Variants in HTT observed in about 807,000 individuals in gnomAD.
The protein encoded by HTT is huntingtin, also known as huntington disease protein.
HTT carries 104 observed loss-of-function variants against 362.3 expected under a neutral mutation model. That is an observed-to-expected ratio of 0.29 (90% confidence interval 0.24 to 0.34). The LOEUF is 0.34. HTT is among the 10% of genes least tolerant of loss of function. The pLI is 1.00. For synonymous variants in HTT, 1,577 were observed against 1,548.7 expected, an observed-to-expected ratio of 1.02 and a Z score of -0.43; for missense variants, 3,301 against 3,928.6, an observed-to-expected ratio of 0.84 and a Z score of 4.27.
At chr4:3,104,325 ACAGT>A (rs1343927618) in intron 4 of HTT, among the ~76,000 whole-genome samples, 3 of 151,772 alleles carry the variant, frequency 2.0e-5, no homozygotes, top group Admixed American at 6.5e-5. Flanking sequence ...AATAACTAAA[ACAGT>A]CAGGGCACAG....
At chr4:3,197,737 A>G (rs1719323587) in intron 40 of HTT, among the ~76,000 whole-genome samples, 1 of 152,242 alleles carries the variant, frequency 6.6e-6, no homozygotes, top group Non-Finnish European at 1.5e-5. Flanking sequence ...AGTAGACAGT[A>G]GAGCCACGAT....
rs151318405 is a variant in HTT, at chr4:3,162,818, A to G, written c.3864+2426A>G. 2.7e-3 allele frequency among the ~76,000 whole-genome samples: 410 copies of G among 152,274 alleles called. 2 individuals are homozygous for G. The highest frequency in any genetic ancestry group is 9.5e-3 in the African/African-American group (393 of 41,564). On this transcript the variant is annotated intron_variant, in intron 29 of 66. Transcript: ENST00000355072. The stretch of plus-strand genomic sequence containing the variant: ...TGAAGTTGCTAATCAGCTTAAGGAG[A>G]TTTTGAGCTGAACCAATAGGGTTTT...
Position 3,206,656 on chromosome 4 carries a change from G to A in HTT, c.5879G>A (p.Arg1960His), listed in dbSNP as rs762436871. 15 of 1,614,040 alleles carry A rather than the reference G, an allele frequency of 9.3e-6. No individual in the cohort carries two copies. The highest frequency in any genetic ancestry group is 4.0e-5 in the African/African-American group (3 of 74,932). The change falls in exon 43 of 67, where the codon CGT becomes CAT. Residue 1960 changes from arginine (R) to histidine (H), a missense_variant. By Grantham distance (29) the Arg-to-His change is conservative. Coordinates refer to ENST00000355072, the MANE Select transcript of HTT (RefSeq NM_001388492.1). This position sits in a 1 kb window ranked among gnomAD's most constrained non-coding sequence, Gnocchi z 4.6. The part of the protein sequence containing the change: ...SGLFIQAIQS[R>H]CENLSTPTML... ...CTGTTCATCCAGGCAATTCAGTCTC[G>A]TTGTGAAAACCTTTCAACTGTACGT...
chr4:3,163,960 TCTG>T (rs1717577073), intron 29 of HTT, among the ~76,000 whole-genome samples: 1 of 152,194 alleles, frequency 6.6e-6, no homozygotes, highest in African/African-American at 2.4e-5. Context: ...TTTTTTGTCT[TCTG>T]CTAGCTTTTG....
chr4:3,144,797 G>A (rs1716520524), intron 23 of HTT, among the ~76,000 whole-genome samples: 2 of 152,178 alleles, frequency 1.3e-5, no homozygotes, highest in South Asian at 2.1e-4. Context: ...GGAAAAACAG[G>A]ATTCCTGCCC....
chr4:3,208,272 C>T lies in HTT; in HGVS notation c.6153-501C>T, dbSNP rs150654134. 2.6e-3 allele frequency among the ~76,000 whole-genome samples: 400 copies of T among 152,262 alleles called. 1 individual carries two copies. The highest frequency in any genetic ancestry group is 9.2e-3 in the African/African-American group (384 of 41,540). On this transcript the variant is annotated intron_variant, in intron 45 of 66. Coordinates refer to ENST00000355072, the MANE Select transcript of HTT (RefSeq NM_001388492.1). Reference sequence around the variant, plus strand: ...GATAAACTATTATTACTTTTTGACCCTAGACTTAGTCTTCAGTCCAGATGA... The same window carrying T: ...GATAAACTATTATTACTTTTTGACCTTAGACTTAGTCTTCAGTCCAGATGA...
At chr4:3,093,900 A>AT (rs1713658398) in intron 2 of HTT, among the ~76,000 whole-genome samples, 1 of 60,912 alleles carries the variant, frequency 1.6e-5, no homozygotes, top group African/African-American at 5.9e-5. Context: ...TACCCCTTTA[A>AT]GTTGGTTTTT....
rs755483160 is a variant in HTT at position 3,204,187 on chromosome 4, G to A, written c.5718+39G>A. On this transcript the variant is annotated intron_variant, in intron 42 of 66. Transcript: ENST00000355072. ...GCCTGTAAACGGGGTTGAGGGAGGT[G>A]GGGACCAGGAGAACATCCTGTGTAG... The A allele has an allele frequency of 5.6e-6, 9 of 1,610,846 alleles. No homozygotes were observed. The South Asian group carries it at 9.9e-5, about 18-fold the overall frequency.
At chr4:3,131,824 A>G (rs759275035) in intron 16 of HTT, 49 bp downstream of exon 16, 17 of 1,557,726 alleles carry the variant, frequency 1.1e-5, no homozygotes, top group Admixed American at 5.3e-5. Context: ...TCATTATTGT[A>G]AAAACTATTT....
At chr4:3,223,346 C>T in intron 54 of HTT, 60 bp from the exon 55 acceptor site, 1 of 1,477,982 alleles carries the variant, frequency 6.8e-7, no homozygotes, top group Admixed American at 2.3e-5. Flanking sequence ...CTGGGTTCTG[C>T]AGGCAGAGGT....
rs755589211 is a variant in HTT, at chr4:3,214,056, C to T, written c.6873C>T (p.Leu2291=). The change falls in exon 50 of 67, where the codon CTC becomes CTT. Residue 2291 remains leucine, a synonymous_variant. Coordinates refer to ENST00000355072, the MANE Select transcript of HTT (RefSeq NM_001388492.1). ...CCCLALQLPG[L]WSVVSSTEFV... is the part of the protein sequence containing the mutation. Reference sequence around the variant, plus strand: ...GCCTGGCCCTGCAGCTGCCTGGCCTCTGGAGCGTGGTCTCCTCCACAGAGT... The same window carrying T: ...GCCTGGCCCTGCAGCTGCCTGGCCTTTGGAGCGTGGTCTCCTCCACAGAGT... The T allele has an allele frequency of 1.9e-6, 3 of 1,610,156 alleles. No individual in the cohort carries two copies.
chr4:3,181,433 T>A (rs79631914), intron 36 of HTT, among the ~76,000 whole-genome samples: 1 of 152,212 alleles, frequency 6.6e-6, no homozygotes. Flanking sequence ...AGCTGATTTC[T>A]GGTTTTGTTT....
chr4:3,078,829 A>G (rs1578479276), intron 1 of HTT, among the ~76,000 whole-genome samples: 1 of 151,048 alleles, frequency 6.6e-6, no homozygotes, highest in Non-Finnish European at 1.5e-5. Flanking sequence ...CCGCTTCCCG[A>G]GTTCACGCCA....
At position 3,204,066 on chromosome 4, in the gene HTT, A is replaced by T; in HGVS notation, c.5636A>T (p.Asp1879Val). 1 of 1,614,090 alleles carries T rather than the reference A, an allele frequency of 6.2e-7. No individual in the cohort carries two copies. The highest frequency in any genetic ancestry group is 8.5e-7 in the Non-Finnish European group (1 of 1,179,920). ...CCCCAGATGTCTGGAGAAGAGGAGGATTCTGACTTGGCAGCCAAACTTGGA... is the reference window on the plus strand; with the variant it reads ...CCCCAGATGTCTGGAGAAGAGGAGGTTTCTGACTTGGCAGCCAAACTTGGA... ...LSPQMSGEEE[D>V]SDLAAKLGMC... is the part of the protein sequence containing the mutation. Residue 1879 changes from aspartate (D) to valine (V), a missense_variant, in exon 42 of 67, where the codon GAT becomes GTT. Around this residue, in one of 4 missense-constraint regions of HTT, gnomAD observed 2,316 missense variants for 2,658.5 expected, o/e 0.87. Transcript: ENST00000355072.
intron 6 of HTT, among the ~76,000 whole-genome samples, chr4:3,111,479 CCCATCATTAGAT>C (rs1315329850): frequency 6.6e-6 from 1 of 152,180 alleles, no homozygotes; most frequent in Non-Finnish European, 1.5e-5. Context: ...CAGGCGTGAG[CCCATCATTAGAT>C]CTTTAAATAC....
At chr4:3,179,728 A>AG (rs1718416231) in intron 35 of HTT, among the ~76,000 whole-genome samples, 1 of 143,624 alleles carries the variant, frequency 7.0e-6, no homozygotes, top group Non-Finnish European at 1.5e-5. Context: ...CGTGTCACTG[A>AG]GGGGTCAGAG....
intron 28 of HTT, among the ~76,000 whole-genome samples, chr4:3,157,696 A>T (rs1717217852): frequency 6.6e-6 from 1 of 152,186 alleles, no homozygotes; most frequent in African/African-American, 2.4e-5. Context: ...CAGCGTAAGA[A>T]ACTGTTCACC....
chr4:3,190,610 G>C (rs1027814129), intron 40 of HTT, among the ~76,000 whole-genome samples: 5 of 151,850 alleles, frequency 3.3e-5, no homozygotes, highest in Admixed American at 2.0e-4. Context: ...GTAGTGGCAT[G>C]AGCCTGAGCC....
intron 1 of HTT, among the ~76,000 whole-genome samples, chr4:3,082,292 A>G (rs1216381199): frequency 6.6e-6 from 1 of 151,178 alleles, no homozygotes; most frequent in African/African-American, 2.5e-5. Context: ...TATTCTCTCT[A>G]CCTTGAGAAG....
Sources: allele counts gnomAD v4.1 joint callset (sites outside exome capture counted in the v4.1 genomes callset), GRCh38; gene constraint gnomAD v4.1.1; regional missense constraint gnomAD v4.1.1; non-coding constraint Gnocchi (gnomAD v3.1); transcripts MANE v1.5; gene names NCBI Gene and HGNC (gene_info 2026-07-23, HGNC 2026-07-21).